Variants in PANK3 observed in about 807,000 individuals in gnomAD.
PANK3 encodes the protein pantothenate kinase 3.
In PANK3, 20 loss-of-function variants were observed where a neutral mutation model predicts 39.4. The ratio of observed to expected loss-of-function variants is 0.51; its 90% CI spans 0.36 to 0.74. The LOEUF (loss-of-function observed/expected upper bound fraction) is 0.74. Ranked by LOEUF, PANK3 falls within the 30% of genes least tolerant of loss-of-function variation. PANK3 has a pLI of 0.00. For synonymous variants in PANK3, 140 were observed against 157.3 expected (o/e 0.89, Z 0.82); for missense variants, 265 against 437.0 (o/e 0.61, Z 3.51).
rs1299891545 is a variant in PANK3, at chr5:168,554,404, C to A, written c.*3167G>T. The stretch of plus-strand genomic sequence containing the variant: ...GTTTTCAGTAGACTATCAAGAGATG[C>A]ATGATAAAGACATTTCCCCATGTAG... On this transcript the variant is annotated 3_prime_UTR_variant, in exon 7 of 7. Coordinates refer to ENST00000239231, the MANE Select transcript of PANK3 (RefSeq NM_024594.4). 6.6e-6 allele frequency: 1 copy of A among 152,112 alleles called. No homozygotes were observed. Among genetic ancestry groups the A allele is most frequent in the Non-Finnish European group, 1.5e-5 (1 of 68,012 alleles). 9.4% of individuals were successfully genotyped at this position (152,112 alleles called of 1,614,324 possible).
At position 168,577,127 on chromosome 5, in the gene PANK3, A is replaced by G. The variant is rs528096730; in HGVS notation, c.28+2129T>C. Among the ~76,000 whole-genome samples the G allele has an allele frequency of 2.0e-5, 3 of 151,858 alleles. No homozygotes were observed. The East Asian group carries it at 5.8e-4, about 30-fold the overall frequency. On this transcript the variant is annotated intron_variant, in intron 1 of 6. Coordinates refer to ENST00000239231, the MANE Select transcript of PANK3 (RefSeq NM_024594.4). ...AACTCCTGACCTCGTGATCTGCCCC[A>G]CTCAGCCTCCCAAAGTGCTGGGATT... is the stretch of plus-strand genomic sequence containing the variant.
chr5:168,563,679 TA>T (rs11336922), intron 4 of PANK3, among the ~76,000 whole-genome samples: 56,585 of 148,454 alleles, frequency 0.38, 10,702 homozygotes, highest in East Asian at 0.61. Flanking sequence ...ACTCAAAAAT[TA>T]AAAAAAAAAA....
chr5:168,558,563 G>C (rs1759390642), intron 6 of PANK3, among the ~76,000 whole-genome samples: 1 of 152,186 alleles, frequency 6.6e-6, no homozygotes, highest in South Asian at 2.1e-4. Context: ...TTCAAGTTAA[G>C]TTAATCCAAA....
intron 5 of PANK3, among the ~76,000 whole-genome samples, 165 bp downstream of exon 5, chr5:168,561,228 G>T (rs1481891712): frequency 6.6e-6 from 1 of 152,038 alleles, no homozygotes; most frequent in East Asian, 1.9e-4. Context: ...AAGTAATATA[G>T]CAACTGGATA....
chr5:168,550,955 A>G lies in PANK3; in HGVS notation c.*6616T>C, dbSNP rs2113094594. On this transcript the variant is annotated 3_prime_UTR_variant, in exon 7 of 7. Coordinates refer to ENST00000239231, the MANE Select transcript of PANK3 (RefSeq NM_024594.4). ...GCAGGAATAATGCAAATAAGTAGTG[A>G]CTGCTTTGAGAAAACATTTGAATTT... The G allele has an allele frequency of 6.6e-6, 1 of 152,318 alleles. No homozygotes were observed. 9.4% of individuals were successfully genotyped at this position (152,318 alleles called of 1,614,324 possible). A position where few individuals can be genotyped will look rare whatever the true frequency, so the allele number is the denominator to read the frequency against.
Position 168,557,517 on chromosome 5 carries a change from T to C in PANK3, c.*54A>G. On this transcript the variant is annotated 3_prime_UTR_variant, in exon 7 of 7. Coordinates refer to ENST00000239231, the MANE Select transcript of PANK3 (RefSeq NM_024594.4). ...ACAAACAATGCAGTAATAATGCCTC[T>C]GGTTTTAGTTCCTCTTGGATGACAT... 6.7e-7 allele frequency: 1 copy of C among 1,500,988 alleles called. No individual in the cohort carries two copies. 93.0% of individuals were successfully genotyped at this position (1,500,988 alleles called of 1,614,324 possible).
chr5:168,557,750 CGTT>C lies in PANK3; in HGVS notation c.1063-132_1063-130del, dbSNP rs1472402852. 28 of 681,270 alleles carry C rather than the reference CGTT, an allele frequency of 4.1e-5. 1 individual carries two copies. The highest frequency in any genetic ancestry group is 6.3e-5 in the Non-Finnish European group (27 of 430,788). 42.2% of individuals were successfully genotyped at this position (681,270 alleles called of 1,614,324 possible). ...ATATTTGGAAACCTACCAATTTCTG[CGTT>C]GTTAGCTATTATAAAAAATTTTCTG... On this transcript the variant is annotated intron_variant, in intron 6 of 6. Coordinates refer to ENST00000239231, the MANE Select transcript of PANK3 (RefSeq NM_024594.4).
intron 1 of PANK3, among the ~76,000 whole-genome samples, chr5:168,577,303 T>C (rs1759745700): frequency 1.3e-5 from 2 of 152,182 alleles, no homozygotes; most frequent in South Asian, 2.1e-4. Flanking sequence ...ATAAAAATGT[T>C]AGGCTTCTAC....
Position 168,548,907 on chromosome 5 carries a change from C to T in PANK3, c.*8664G>A, listed in dbSNP as rs936047468. 3.3e-5 allele frequency: 5 copies of T among 152,182 alleles called. No homozygotes were observed. Among genetic ancestry groups the T allele is most frequent in the Middle Eastern group, 3.4e-3 (1 of 294 alleles). The allele number at this position is 152,182 out of a possible 1,614,324, so 9.4% of individuals were successfully genotyped here. A position where few individuals can be genotyped will look rare whatever the true frequency, so the allele number is the denominator to read the frequency against. On this transcript the variant is annotated 3_prime_UTR_variant, in exon 7 of 7. Transcript: ENST00000239231. ...TTAAAAGAATTCAGACATGATAAAG[C>T]TTAGACTTGACAAGAATGATGTAAT...
At chr5:168,579,048 G>T (rs1413547329) in intron 1 of PANK3, among the ~76,000 whole-genome samples, 2 of 152,292 alleles carry the variant, frequency 1.3e-5, no homozygotes, top group East Asian at 3.9e-4. Context: ...GGAAAGGCTA[G>T]GGGGCGGCAG....
rs1160942196 is a variant in PANK3, at chr5:168,552,231, C to T, written c.*5340G>A. ...CAATGCATTAAAGTTTCTTTTTAATCCTTAGAAATTGGCTGCTCAAAGTCC... is the reference window on the plus strand; with the variant it reads ...CAATGCATTAAAGTTTCTTTTTAATTCTTAGAAATTGGCTGCTCAAAGTCC... On this transcript the variant is annotated 3_prime_UTR_variant, in exon 7 of 7. Transcript: ENST00000239231. 1 of 152,064 alleles carries T rather than the reference C, an allele frequency of 6.6e-6. No homozygotes were observed. Among genetic ancestry groups the T allele is most frequent in the African/African-American group, 2.4e-5 (1 of 41,404 alleles). 9.4% of individuals were successfully genotyped at this position (152,064 alleles called of 1,614,324 possible).
At chr5:168,570,657 C>A (rs1034876822) in intron 1 of PANK3, among the ~76,000 whole-genome samples, 4 of 152,090 alleles carry the variant, frequency 2.6e-5, no homozygotes, top group African/African-American at 9.7e-5. Context: ...AAGAGGCATA[C>A]GTCAGTACGG....
At chr5:168,568,357 G>T (rs1157157239) in intron 2 of PANK3, among the ~76,000 whole-genome samples, 4 of 152,098 alleles carry the variant, frequency 2.6e-5, no homozygotes, top group Non-Finnish European at 4.4e-5. Flanking sequence ...TTTATATCTG[G>T]CTTTGTACAC....
chr5:168,561,502 A>C lies in PANK3; in HGVS notation c.827T>G (p.Ile276Ser), dbSNP rs757508705. 1.4e-5 allele frequency: 22 copies of C among 1,581,766 alleles called. No individual in the cohort carries two copies. The highest frequency in any genetic ancestry group is 1.2e-5 in the Non-Finnish European group (14 of 1,166,280). Residue 276 changes from isoleucine to serine, a missense_variant, in exon 5 of 7, where the codon ATT becomes AGT. Transcript: ENST00000239231. ...AACAGATTCTCGCTTCTCCTTATAAATCATATTCCCAAAACTGCAGAAAAA... is the reference window on the plus strand; with the variant it reads ...AACAGATTCTCGCTTCTCCTTATAACTCATATTCCCAAAACTGCAGAAAAA... ...WAVASSFGNM[I>S]YKEKRESVSK...
chr5:168,561,777 C>T (rs1457547296), intron 4 of PANK3, among the ~76,000 whole-genome samples: 1 of 152,144 alleles, frequency 6.6e-6, no homozygotes, highest in Non-Finnish European at 1.5e-5. Flanking sequence ...AAAATATCTT[C>T]ACTTAAACCT....
At chr5:168,572,478 A>G (rs192102181) in intron 1 of PANK3, among the ~76,000 whole-genome samples, 1 of 151,738 alleles carries the variant, frequency 6.6e-6, no homozygotes, top group Non-Finnish European at 1.5e-5. Flanking sequence ...CAGTGGAGTT[A>G]GGAGCAATGT....
chr5:168,579,333 G>C lies in PANK3; in HGVS notation c.-50C>G, dbSNP rs779630361. 1.4e-6 allele frequency: 2 copies of C among 1,410,578 alleles called. No homozygotes were observed. The highest frequency in any genetic ancestry group is 1.9e-6 in the Non-Finnish European group (2 of 1,073,644). The allele number at this position is 1,410,578 out of a possible 1,614,324, so 87.4% of individuals were successfully genotyped here. ...CGGCCTCCGATCCGGGGCACTGAGA[G>C]CAGAGGCGGCGACTCCGGAGGTGGC... On this transcript the variant is annotated 5_prime_UTR_variant, in exon 1 of 7. Transcript: ENST00000239231.
At chr5:168,574,345 G>A (rs1420789002) in intron 1 of PANK3, among the ~76,000 whole-genome samples, 7 of 151,774 alleles carry the variant, frequency 4.6e-5, no homozygotes, top group African/African-American at 1.5e-4. Context: ...CATGTCCTTC[G>A]CCCACTTTTT....
Position 168,569,003 on chromosome 5 carries a change from G to C in PANK3, c.29-5C>G. 1.5e-6 allele frequency: 1 copy of C among 687,942 alleles called. No individual in the cohort carries two copies. Among genetic ancestry groups the C allele is most frequent in the Non-Finnish European group, 2.0e-6 (1 of 511,954 alleles). The allele number at this position is 687,942 out of a possible 1,614,324, so 42.6% of individuals were successfully genotyped here. ...CCATGCCAAACCATGGGAAAGCTAT[G>C]GGAGGAAAAAAAAAAAAAAAAAAAA... On this transcript the variant is annotated splice_polypyrimidine_tract_variant and splice_region_variant and intron_variant, in intron 1 of 6. Transcript: ENST00000239231.
Sources: gnomAD v4.1 joint callset for allele counts (sites outside exome capture counted in the v4.1 genomes callset) on GRCh38, gnomAD v4.1.1 for gene constraint, MANE v1.5 for transcripts, NCBI Gene and HGNC (gene_info 2026-07-23, HGNC 2026-07-21) for gene names.